Variants in ATRN observed in about 807,000 individuals in gnomAD.
ATRN encodes the protein attractin, also known as attractin-2.
Under a neutral mutation model 178.7 loss-of-function variants are expected in ATRN, and 54 were observed. That is an observed-to-expected ratio of 0.30 (90% CI 0.24 to 0.38). The LOEUF is 0.38. Ranked by LOEUF, ATRN falls within the 10% of genes least tolerant of loss-of-function variation. The pLI is 1.00. For synonymous variants in ATRN, 636 were observed against 663.0 expected, an observed-to-expected ratio of 0.96 and a Z score of 0.63; for missense variants, 1,443 against 1,815.1, an observed-to-expected ratio of 0.79 and a Z score of 3.73.
intron 24 of ATRN, among the ~76,000 whole-genome samples, chr20:3,615,267 A>G (rs1361743680): frequency 2.0e-5 from 3 of 151,802 alleles, no homozygotes; most frequent in Non-Finnish European, 4.4e-5. Flanking sequence ...TGTCTCTACT[A>G]AAGTACAAAA....
chr20:3,623,866 G>T (rs1600165638), intron 24 of ATRN, among the ~76,000 whole-genome samples: 1 of 152,170 alleles, frequency 6.6e-6, no homozygotes, highest in African/African-American at 2.4e-5. Flanking sequence ...TAAATTGACA[G>T]TGTTTTTCCT....
intron 18 of ATRN, among the ~76,000 whole-genome samples, chr20:3,589,393 T>A (rs761052967): frequency 9.2e-5 from 14 of 152,140 alleles, no homozygotes; most frequent in Non-Finnish European, 2.1e-4. Flanking sequence ...TTGGTTTTAT[T>A]ATTCTTTTAC....
chr20:3,483,233 T>A (rs2084645724), intron 1 of ATRN, among the ~76,000 whole-genome samples: 1 of 152,228 alleles, frequency 6.6e-6, no homozygotes, highest in Non-Finnish European at 1.5e-5. Flanking sequence ...TAAATGTAGT[T>A]CTAGTGGATT....
At position 3,650,193 on chromosome 20, in the gene ATRN, C is replaced by T. The variant is rs551178084; in HGVS notation, c.*3346C>T. The T allele has an allele frequency of 7.2e-5, 11 of 152,756 alleles. No individual in the cohort carries two copies. In the South Asian group the frequency reaches 8.3e-4, roughly 12 times the overall value. The allele number at this position is 152,756 out of a possible 1,614,324, so 9.5% of individuals were successfully genotyped here. The stretch of plus-strand genomic sequence containing the variant: ...AGGCATTTTACCTTCCAGTGCAAAT[C>T]CTGCTCCTTTGATTTAATGGGGTGT... On this transcript the variant is annotated 3_prime_UTR_variant, in exon 29 of 29. Transcript: ENST00000262919.
chr20:3,580,306 T>C (rs901269664), intron 15 of ATRN, among the ~76,000 whole-genome samples: 17 of 152,234 alleles, frequency 1.1e-4, no homozygotes, highest in African/African-American at 1.4e-4. Context: ...GCCACAGATA[T>C]ACTTCTGGTA....
rs641362 is a variant in ATRN, at chr20:3,649,916, A to G, written c.*3069A>G. 0.86 allele frequency: 131,297 copies of G among 152,152 alleles called. 56,996 individuals are homozygous for G. The highest frequency in any genetic ancestry group is 1 in the East Asian group (5,157 of 5,164). 9.4% of individuals were successfully genotyped at this position (152,152 alleles called of 1,614,324 possible). On this transcript the variant is annotated 3_prime_UTR_variant, in exon 29 of 29. Coordinates refer to ENST00000262919, the MANE Select transcript of ATRN (RefSeq NM_139321.3). ...GTTGATAAATAGTTCCCATTTCCCC[A>G]TGGAGAATTTGACATACCCTGGACT...
chr20:3,481,686 G>A (rs238736), intron 1 of ATRN, among the ~76,000 whole-genome samples: 136,562 of 151,950 alleles, frequency 0.9, 61,528 homozygotes, highest in African/African-American at 0.96. Flanking sequence ...TTTTCAGTTT[G>A]CGTTTTGGGT....
At chr20:3,487,656 T>C (rs2084714401) in intron 1 of ATRN, among the ~76,000 whole-genome samples, 1 of 152,200 alleles carries the variant, frequency 6.6e-6, no homozygotes, top group Non-Finnish European at 1.5e-5. Context: ...GACATATGTC[T>C]CTAGAGAGAG....
At position 3,584,800 on chromosome 20, in the gene ATRN, A is replaced by G. The variant is rs781741283; in HGVS notation, c.3104A>G (p.Asn1035Ser). ...VKMPSQAPTGNFYPQPLLNSS... is the reference protein window; with the variant it reads ...VKMPSQAPTGSFYPQPLLNSS... ...ATGCCTTCGCAAGCCCCTACAGGAAATTTCTATCCACAGCCCCTGCTCAAT... is the reference window on the plus strand; with the variant it reads ...ATGCCTTCGCAAGCCCCTACAGGAAGTTTCTATCCACAGCCCCTGCTCAAT... The change falls in exon 18 of 29, where the codon AAT becomes AGT. Residue 1035 changes from asparagine to serine, a missense_variant. Around this residue, in one of 4 missense-constraint regions of ATRN, gnomAD observed 80 missense variants for 71.5 expected, o/e 1.12. Transcript: ENST00000262919. The G allele has an allele frequency of 5.0e-6, 8 of 1,614,086 alleles. No homozygotes were observed. The highest frequency in any genetic ancestry group is 6.8e-6 in the Non-Finnish European group (8 of 1,180,032).
Position 3,645,485 on chromosome 20 carries a change from A to C in ATRN, c.4165+1217A>C, listed in dbSNP as rs2087100684. ...GTCTCCTGCCACCGCCCAGCCCAGC[A>C]AACAGTGGCTGGTGTGCCCTGAGGG... is the stretch of plus-strand genomic sequence containing the variant. On this transcript the variant is annotated intron_variant, in intron 28 of 28. Coordinates refer to ENST00000262919, the MANE Select transcript of ATRN (RefSeq NM_139321.3). This position sits in a 1 kb window ranked among gnomAD's most constrained non-coding sequence, Gnocchi z 4.7. 6.6e-6 allele frequency among the ~76,000 whole-genome samples: 1 copy of C among 152,224 alleles called. No individual in the cohort carries two copies. The highest frequency in any genetic ancestry group is 2.1e-4 in the South Asian group (1 of 4,836).
chr20:3,481,495 G>A (rs935701871), intron 1 of ATRN, among the ~76,000 whole-genome samples: 2 of 151,732 alleles, frequency 1.3e-5, no homozygotes, highest in South Asian at 2.1e-4. Context: ...CTGCAGGTGC[G>A]CACCACCATG....
chr20:3,639,034 T>G, intron 27 of ATRN, 99 bp downstream of exon 27: 1 of 771,704 alleles, frequency 1.3e-6, no homozygotes, highest in Non-Finnish European at 2.0e-6. Context: ...TTCCATTACC[T>G]CCTTTTTTTC....
intron 1 of ATRN, among the ~76,000 whole-genome samples, chr20:3,522,606 G>A (rs1020325722): frequency 3.3e-5 from 5 of 152,160 alleles, no homozygotes; most frequent in Non-Finnish European, 2.9e-5. Flanking sequence ...CCTGACCCCC[G>A]TGCCTCCTGA....
Position 3,594,588 on chromosome 20 carries a change from C to T in ATRN, c.3416+16C>T. The T allele has an allele frequency of 6.2e-7, 1 of 1,600,242 alleles. No homozygotes were observed. The highest frequency in any genetic ancestry group is 1.7e-5 in the Admixed American group (1 of 58,708). On this transcript the variant is annotated intron_variant, in intron 20 of 28. Transcript: ENST00000262919. ...AGTGCCAGCTGTGAGTACCATACTC[C>T]CTGGACCACCAGGGAGGACCAAGAG...
intron 1 of ATRN, among the ~76,000 whole-genome samples, chr20:3,481,791 CTTTTTTT>C (rs780144563): frequency 2.0e-4 from 20 of 100,496 alleles, no homozygotes; most frequent in East Asian, 8.6e-4. Flanking sequence ...GGTGAATTTC[CTTTTTTT>C]TTTTTTTTTT....
chr20:3,643,252 A>G (rs1044483544), intron 27 of ATRN, among the ~76,000 whole-genome samples: 3 of 152,242 alleles, frequency 2.0e-5, no homozygotes, highest in African/African-American at 7.2e-5. Flanking sequence ...CATGGAAGAC[A>G]TGAACAGACC....
chr20:3,587,890 G>C (rs2086380246), intron 18 of ATRN, among the ~76,000 whole-genome samples: 3 of 152,192 alleles, frequency 2.0e-5, no homozygotes, highest in Non-Finnish European at 2.9e-5. Context: ...CTGTCACCCA[G>C]GCTGGAGCGC....
intron 4 of ATRN, among the ~76,000 whole-genome samples, chr20:3,546,536 C>T (rs2085705116): frequency 6.6e-6 from 1 of 151,842 alleles, no homozygotes; most frequent in Non-Finnish European, 1.5e-5. Context: ...GGATTACAGG[C>T]ACCCACCACT....
intron 1 of ATRN, among the ~76,000 whole-genome samples, chr20:3,479,210 A>G (rs2084582023): frequency 6.6e-6 from 1 of 152,144 alleles, no homozygotes; most frequent in Non-Finnish European, 1.5e-5. Flanking sequence ...TTCTTTTGAA[A>G]TGAGTCATCT....
Sources: gnomAD v4.1 joint callset for allele counts (sites outside exome capture counted in the v4.1 genomes callset) on GRCh38, gnomAD v4.1.1 for gene constraint, gnomAD v4.1.1 regional missense constraint, Gnocchi (gnomAD v3.1) non-coding constraint, MANE v1.5 for transcripts, NCBI Gene and HGNC (gene_info 2026-07-23, HGNC 2026-07-21) for gene names.